PLCH1: variants seen among roughly 807,000 people sequenced by gnomAD.
PLCH1 encodes the protein phospholipase C eta 1, also known as 1-phosphatidylinositol 4,5-bisphosphate phosphodiesterase eta-1.
In PLCH1, 60 loss-of-function variants were observed where a neutral mutation model predicts 126.7. The observed-to-expected ratio is 0.47, with a 90% confidence interval of 0.38 to 0.59. PLCH1 has a LOEUF of 0.59. Among genes scored for constraint, PLCH1 ranks in the 20% least tolerant of loss-of-function variants. The pLI, the probability that PLCH1 is intolerant of heterozygous loss-of-function variation, is 0.00. For synonymous variants in PLCH1, 719 were observed against 734.9 expected, an observed-to-expected ratio of 0.98 and a Z score of 0.35; for missense variants, 1,723 against 2,040.0, an observed-to-expected ratio of 0.84 and a Z score of 2.99.
intron 2 of PLCH1, among the ~76,000 whole-genome samples, chr3:155,637,553 T>G (rs1041469239): frequency 6.6e-6 from 1 of 152,248 alleles, no homozygotes; most frequent in Admixed American, 6.5e-5. Context: ...AAATATTACC[T>G]ACATTCAATT....
chr3:155,727,329 C>T (rs1449099154), intron 1 of PLCH1, among the ~76,000 whole-genome samples: 1 of 149,858 alleles, frequency 6.7e-6, no homozygotes, highest in Non-Finnish European at 1.5e-5. Context: ...ATAGATTTCA[C>T]CAAAAAAGGA....
At chr3:155,555,850 A>C (rs1231805655) in intron 8 of PLCH1, among the ~76,000 whole-genome samples, 2 of 152,166 alleles carry the variant, frequency 1.3e-5, no homozygotes, top group African/African-American at 4.8e-5. Context: ...AGAGGTCATC[A>C]TCTCAAACAC....
At chr3:155,646,541 T>C (rs1445200731) in intron 2 of PLCH1, among the ~76,000 whole-genome samples, 2 of 152,248 alleles carry the variant, frequency 1.3e-5, no homozygotes, top group Non-Finnish European at 2.9e-5. Flanking sequence ...TTAAAAAGTA[T>C]GTGAAATTAC....
rs745909763 is a variant in PLCH1, at chr3:155,481,412, A to G, written c.4614T>C (p.Leu1538=). The G allele has an allele frequency of 6.2e-7, 1 of 1,614,166 alleles. No individual in the cohort carries two copies. Residue 1538 remains leucine (L), a synonymous_variant, in exon 23 of 23, where the codon CTT becomes CTC. Transcript: ENST00000460012. The surrounding 1 kb of genome is among the most constrained non-coding windows in gnomAD (Gnocchi z 4.2). ...LEPIDALTEQ[L]RKLVSFDQED... is the part of the protein sequence containing the mutation. ...CCTGGTCAAAGGACACAAGCTTCCG[A>G]AGCTGCTCGGTCAGGGCATCTATAG...
intron 8 of PLCH1, among the ~76,000 whole-genome samples, chr3:155,555,580 C>G (rs1726719683): frequency 1.3e-5 from 2 of 152,200 alleles, no homozygotes; most frequent in Admixed American, 6.5e-5. Flanking sequence ...GTTAAAAGGA[C>G]AATGTTGCCT....
At chr3:155,582,075 C>CTTTTTTTTTTTTTTTTTTTTT (rs869254665) in intron 6 of PLCH1, among the ~76,000 whole-genome samples, 2 of 64,120 alleles carry the variant, frequency 3.1e-5, no homozygotes, top group Non-Finnish European at 5.5e-5. Context: ...TCTTTTCTTT[C>CTTTTTTTTTTTTTTTTTTTTT]TTTTTTTTTT....
chr3:155,475,426 GA>G (rs1436913650), downstream of PLCH1, among the ~76,000 whole-genome samples: 2 of 151,414 alleles, frequency 1.3e-5, no homozygotes, highest in African/African-American at 4.8e-5. Context: ...AAAAGCAAAG[GA>G]AACCAAACCC....
At chr3:155,714,310 C>A (rs980097108) in intron 1 of PLCH1, among the ~76,000 whole-genome samples, 1 of 152,190 alleles carries the variant, frequency 6.6e-6, no homozygotes, top group Non-Finnish European at 1.5e-5. Context: ...CAGGGATCCT[C>A]TTCTCTGGCC....
intron 21 of PLCH1, chr3:155,456,780 T>C (rs1220709162): frequency 6.5e-6 from 1 of 152,774 alleles, no homozygotes; most frequent in African/African-American, 2.4e-5. Context: ...TCCCACTCCT[T>C]AGTAGACCCT....
chr3:155,522,634 G>A (rs1259030825), intron 11 of PLCH1, among the ~76,000 whole-genome samples: 1 of 151,682 alleles, frequency 6.6e-6, no homozygotes, highest in East Asian at 1.9e-4. Flanking sequence ...TCTGAGAGTG[G>A]ACTGTTGTTA....
intron 9 of PLCH1, among the ~76,000 whole-genome samples, chr3:155,550,785 A>C (rs1400546358): frequency 6.6e-6 from 1 of 152,212 alleles, no homozygotes; most frequent in Non-Finnish European, 1.5e-5. Context: ...TATTTAAATC[A>C]CCTAATATAT....
intron 2 of PLCH1, among the ~76,000 whole-genome samples, chr3:155,667,528 T>C (rs1037705313): frequency 3.3e-5 from 5 of 152,112 alleles, no homozygotes; most frequent in African/African-American, 1.2e-4. Context: ...CACAATAAAA[T>C]AATGGCATGA....
At chr3:155,619,812 A>T (rs575665594) in intron 2 of PLCH1, among the ~76,000 whole-genome samples, 9 of 152,300 alleles carry the variant, frequency 5.9e-5, no homozygotes, top group African/African-American at 2.2e-4. Context: ...TGGCATTTAA[A>T]GTAAGCACCT....
chr3:155,520,658 G>A (rs575882558), intron 11 of PLCH1, among the ~76,000 whole-genome samples: 1 of 152,350 alleles, frequency 6.6e-6, no homozygotes, highest in African/African-American at 2.4e-5. Flanking sequence ...GAATAATGGT[G>A]ACTTCGCCTC....
chr3:155,503,515 A>G (rs1317843225), intron 13 of PLCH1, among the ~76,000 whole-genome samples: 1 of 149,756 alleles, frequency 6.7e-6, no homozygotes, highest in Admixed American at 6.6e-5. Context: ...ACCAATCTCA[A>G]TATAAGTATT....
At chr3:155,666,931 CAT>C (rs1362165087) in intron 2 of PLCH1, among the ~76,000 whole-genome samples, 14 of 137,874 alleles carry the variant, frequency 1.0e-4, no homozygotes, top group Non-Finnish European at 9.6e-5. Flanking sequence ...TGTGTGTGTG[CAT>C]GTGTGTGTAA....
At chr3:155,521,419 T>A (rs73874835) in intron 11 of PLCH1, among the ~76,000 whole-genome samples, 1 of 152,322 alleles carries the variant, frequency 6.6e-6, no homozygotes, top group South Asian at 2.1e-4. Context: ...AATGTACAAA[T>A]GAATCTTACA....
chr3:155,525,419 C>T (rs1242196080), intron 10 of PLCH1, among the ~76,000 whole-genome samples: 5 of 152,122 alleles, frequency 3.3e-5, no homozygotes, highest in Non-Finnish European at 5.9e-5. Context: ...CCTCACCAGA[C>T]GCCAAATCTG....
chr3:155,535,729 T>C (rs1196536543), intron 10 of PLCH1, among the ~76,000 whole-genome samples: 1 of 152,140 alleles, frequency 6.6e-6, no homozygotes, highest in East Asian at 1.9e-4. Flanking sequence ...ACATAATCTC[T>C]TGGGAGCTCT....
Sources: gnomAD v4.1 joint callset for allele counts (sites outside exome capture counted in the v4.1 genomes callset) on GRCh38, gnomAD v4.1.1 for gene constraint, Gnocchi (gnomAD v3.1) non-coding constraint, MANE v1.5 for transcripts, NCBI Gene and HGNC (gene_info 2026-07-23, HGNC 2026-07-21) for gene names.